GRIA2: variants seen among roughly 807,000 people sequenced by gnomAD.
GRIA2 encodes the protein glutamate ionotropic receptor AMPA type subunit 2, also known as glutamate receptor 2.
Under a neutral mutation model 97.3 loss-of-function variants are expected in GRIA2, and 14 were observed. That is an observed-to-expected ratio of 0.14 (90% CI 0.10 to 0.23). GRIA2 has a LOEUF of 0.23. Among genes scored for constraint, GRIA2 ranks in the 10% least tolerant of loss-of-function variants. The pLI is 1.00. For synonymous variants in GRIA2, 412 were observed against 387.8 expected (o/e 1.06, Z -0.73); for missense variants, 558 against 1,069.8 (o/e 0.52, Z 6.67).
chr4:157,346,344 C>T (rs1395175770), intron 12 of GRIA2, among the ~76,000 whole-genome samples: 1 of 151,986 alleles, frequency 6.6e-6, no homozygotes, highest in East Asian at 1.9e-4. Context: ...TCTTTATTGC[C>T]ATGTTATAAA....
At chr4:157,226,618 A>T (rs777035467) in intron 2 of GRIA2, among the ~76,000 whole-genome samples, 2 of 152,100 alleles carry the variant, frequency 1.3e-5, no homozygotes, top group East Asian at 3.8e-4. Context: ...AAATTAATTG[A>T]TGTTTGCTAA....
At chr4:157,324,451 T>C (rs1055542050) in intron 6 of GRIA2, among the ~76,000 whole-genome samples, 1 of 152,208 alleles carries the variant, frequency 6.6e-6, no homozygotes, top group Non-Finnish European at 1.5e-5. Context: ...TGATAAAATA[T>C]GCCAGTTTCT....
intron 5 of GRIA2, among the ~76,000 whole-genome samples, chr4:157,319,791 G>T (rs932064992): frequency 6.6e-6 from 1 of 152,076 alleles, no homozygotes; most frequent in Non-Finnish European, 1.5e-5. Flanking sequence ...CTTAGGAATT[G>T]CTGAATGCTT....
intron 2 of GRIA2, among the ~76,000 whole-genome samples, chr4:157,279,427 T>A (rs1732493647): frequency 6.6e-6 from 1 of 152,106 alleles, no homozygotes. Flanking sequence ...TCAGTAATTG[T>A]CAGAGGCTGA....
At chr4:157,329,241 C>G (rs546684197) in intron 6 of GRIA2, among the ~76,000 whole-genome samples, 1 of 151,814 alleles carries the variant, frequency 6.6e-6, no homozygotes, top group African/African-American at 2.4e-5. Flanking sequence ...TCCTAGAAAT[C>G]ATAATTTTTG....
chr4:157,281,281 C>T (rs1197551738), intron 2 of GRIA2, among the ~76,000 whole-genome samples: 1 of 152,012 alleles, frequency 6.6e-6, no homozygotes, highest in Non-Finnish European at 1.5e-5. Flanking sequence ...ATCATACTTC[C>T]TAGAAGTTTC....
At chr4:157,288,357 T>C (rs1732941384) in intron 2 of GRIA2, among the ~76,000 whole-genome samples, 1 of 151,688 alleles carries the variant, frequency 6.6e-6, no homozygotes, top group Non-Finnish European at 1.5e-5. Context: ...CTTCCTCCAT[T>C]ATTTTTTCTC....
chr4:157,294,504 CAA>C (rs1733254003), intron 2 of GRIA2, among the ~76,000 whole-genome samples: 1 of 150,284 alleles, frequency 6.7e-6, no homozygotes, highest in Non-Finnish European at 1.5e-5. Context: ...AAATATAAAA[CAA>C]AGAGGAAGAA....
intron 5 of GRIA2, among the ~76,000 whole-genome samples, chr4:157,318,236 C>G (rs1734411419): frequency 6.6e-6 from 1 of 152,056 alleles, no homozygotes; most frequent in Admixed American, 6.6e-5. Flanking sequence ...TTCACTGTCT[C>G]TATTTTTTAT....
chr4:157,251,224 A>G (rs1028656502), intron 2 of GRIA2, among the ~76,000 whole-genome samples: 1 of 152,130 alleles, frequency 6.6e-6, no homozygotes, highest in African/African-American at 2.4e-5. Context: ...AATCACAGAA[A>G]TGAGAGATGC....
chr4:157,297,473 T>C (rs1430529460), intron 2 of GRIA2, among the ~76,000 whole-genome samples: 1 of 152,180 alleles, frequency 6.6e-6, no homozygotes. Flanking sequence ...TTTCAGCTTA[T>C]GTTTACTTTA....
intron 2 of GRIA2, among the ~76,000 whole-genome samples, chr4:157,230,559 T>TTTCC (rs1229226653): frequency 1.5e-4 from 13 of 89,402 alleles, no homozygotes; most frequent in African/African-American, 4.7e-4. Flanking sequence ...TCCTTCCTTC[T>TTTCC]TTCCTTCCTT....
intron 2 of GRIA2, among the ~76,000 whole-genome samples, chr4:157,290,041 T>C (rs536020546): frequency 3.3e-5 from 5 of 151,966 alleles, no homozygotes; most frequent in Admixed American, 6.6e-5. Context: ...AATGACTTTA[T>C]AGATGTAAGA....
At position 157,303,770 on chromosome 4, in the gene GRIA2, T is replaced by C; in HGVS notation, c.448T>C (p.Tyr150His). ...IEYYQWDKFAYLYDSDRGLST... is the reference protein window; with the variant it reads ...IEYYQWDKFAHLYDSDRGLST... ...ATACTATCAATGGGACAAGTTTGCA[T>C]ACCTCTATGACAGTGACAGAGGTAA... is the stretch of plus-strand genomic sequence containing the variant. Residue 150 changes from tyrosine to histidine, a missense_variant, in exon 3 of 16, where the codon TAC becomes CAC. This residue lies in a region of GRIA2 where 173 missense variants were observed against 209.1 expected (regional missense o/e 0.83). Transcript: ENST00000264426. The C allele has an allele frequency of 1.2e-6, 2 of 1,613,928 alleles. No homozygotes were observed. Among genetic ancestry groups the C allele is most frequent in the South Asian group, 2.2e-5 (2 of 91,070 alleles).
chr4:157,359,816 G>A (rs1736556169), intron 12 of GRIA2, 80 bp from the exon 13 acceptor site: 2 of 1,278,686 alleles, frequency 1.6e-6, no homozygotes, highest in East Asian at 4.7e-5. Context: ...GTTTTGAAAA[G>A]TAATACCTCT....
At chr4:157,233,875 A>G (rs1344144612) in intron 2 of GRIA2, among the ~76,000 whole-genome samples, 1 of 152,004 alleles carries the variant, frequency 6.6e-6, no homozygotes, top group East Asian at 1.9e-4. Flanking sequence ...TTGTTATTAT[A>G]CCCATTTACA....
intron 2 of GRIA2, among the ~76,000 whole-genome samples, chr4:157,244,237 G>A (rs1028139965): frequency 6.6e-6 from 1 of 151,952 alleles, no homozygotes; most frequent in Non-Finnish European, 1.5e-5. Context: ...GAGCAAAAGG[G>A]TGGGCAAAAA....
At chr4:157,243,217 G>T (rs2126721345) in intron 2 of GRIA2, among the ~76,000 whole-genome samples, 1 of 152,192 alleles carries the variant, frequency 6.6e-6, no homozygotes, top group Non-Finnish European at 1.5e-5. Flanking sequence ...ATAAATTTTA[G>T]AGAGTAGGCA....
At chr4:157,339,520 A>C (rs1735455346) in intron 11 of GRIA2, among the ~76,000 whole-genome samples, 1 of 152,072 alleles carries the variant, frequency 6.6e-6, no homozygotes, top group African/African-American at 2.4e-5. Context: ...AGTCCAATAA[A>C]AATTTTTAGA....
Sources: allele counts gnomAD v4.1 joint callset (sites outside exome capture counted in the v4.1 genomes callset), GRCh38; gene constraint gnomAD v4.1.1; regional missense constraint gnomAD v4.1.1; transcripts MANE v1.5; gene names NCBI Gene and HGNC (gene_info 2026-07-23, HGNC 2026-07-21).